The following SLX9 variants were observed in gnomAD, a reference collection of about 807,000 sequenced individuals.
SLX9 encodes the protein ribosome biogenesis protein SLX9 homolog.
SLX9 carries 19 observed loss-of-function variants against 20.8 expected under a neutral mutation model. The observed-to-expected ratio is 0.91, with a 90% CI of 0.64 to 1.34. SLX9 has a LOEUF of 1.34. Among genes scored for constraint, SLX9 ranks in the 40% most tolerant of loss-of-function variants. The probability of loss-of-function intolerance (pLI) is 0.00; values close to 1 mark genes in which losing one functional copy is unlikely to be tolerated. For synonymous variants in SLX9, 113 were observed against 137.1 expected (o/e 0.82, Z 1.23); for missense variants, 299 against 322.2 (o/e 0.93, Z 0.55).
At chr21:44,973,339 T>G (rs2085195212) in intron 5 of SLX9, 74 bp downstream of exon 5, 3 of 1,429,056 alleles carry the variant, frequency 2.1e-6, no homozygotes, top group Non-Finnish European at 2.9e-6. Context: ...CTCCAGGGGT[T>G]CAGCTCCTAT....
At chr21:44,956,238 G>A (rs2084855717) in intron 2 of SLX9, among the ~76,000 whole-genome samples, 1 of 152,146 alleles carries the variant, frequency 6.6e-6, no homozygotes, top group Admixed American at 6.5e-5. Flanking sequence ...TTTTCTCTGC[G>A]GAGGTTTAAA....
chr21:44,952,711 G>A (rs1340135280), intron 2 of SLX9, among the ~76,000 whole-genome samples: 2 of 152,212 alleles, frequency 1.3e-5, no homozygotes, highest in Admixed American at 6.5e-5. Flanking sequence ...GTGGGTGTCC[G>A]TGTCATGTGC....
intron 3 of SLX9, among the ~76,000 whole-genome samples, chr21:44,966,053 T>C (rs2085028203): frequency 6.6e-6 from 1 of 152,008 alleles, no homozygotes; most frequent in Admixed American, 6.5e-5. Context: ...GGAAGGGTGG[T>C]CTTTGTCCCA....
intron 2 of SLX9, among the ~76,000 whole-genome samples, chr21:44,959,057 A>C (rs149807714): frequency 0.012 from 1,827 of 152,312 alleles, 38 homozygotes; most frequent in African/African-American, 0.041. Flanking sequence ...TATGGAGGAA[A>C]GTAGGTCAAC....
At chr21:44,969,296 A>G (rs1484535217) in intron 4 of SLX9, 1 of 443,082 alleles carries the variant, frequency 2.3e-6, no homozygotes, top group Non-Finnish European at 4.8e-6. Flanking sequence ...GTGATGACCG[A>G]ACATTCCTGG....
chr21:44,943,537 G>T, intron 1 of SLX9, 147 bp from the exon 2 acceptor site: 2 of 1,098,664 alleles, frequency 1.8e-6, no homozygotes, highest in Non-Finnish European at 1.3e-6. Flanking sequence ...GGGAGGTGAG[G>T]GTTGTTTCCC....
At chr21:44,966,094 A>G (rs1282630981) in intron 3 of SLX9, among the ~76,000 whole-genome samples, 1 of 152,036 alleles carries the variant, frequency 6.6e-6, no homozygotes, top group Non-Finnish European at 1.5e-5. Context: ...AGCCAGGTAA[A>G]CACACCCTGC....
intron 2 of SLX9, among the ~76,000 whole-genome samples, chr21:44,955,054 A>G (rs2146637528): frequency 6.6e-6 from 1 of 152,144 alleles, no homozygotes; most frequent in African/African-American, 2.4e-5. Context: ...CGTCTCTACT[A>G]AAAATACAAA....
intron 2 of SLX9, among the ~76,000 whole-genome samples, chr21:44,959,008 C>A (rs1296491887): frequency 6.6e-6 from 1 of 152,218 alleles, no homozygotes; most frequent in Non-Finnish European, 1.5e-5. Flanking sequence ...GCAAAATCAG[C>A]CCCTCCCCTT....
intron 5 of SLX9, among the ~76,000 whole-genome samples, chr21:44,975,664 C>G (rs1383173472): frequency 6.6e-6 from 1 of 152,252 alleles, no homozygotes; most frequent in East Asian, 1.9e-4. Context: ...CCTGGTAGCC[C>G]CAGAGATCAC....
chr21:44,941,455 T>C (rs1290937066), intron 1 of SLX9, among the ~76,000 whole-genome samples: 1 of 139,148 alleles, frequency 7.2e-6, no homozygotes, highest in Non-Finnish European at 1.5e-5. Context: ...GCCCCCTTGG[T>C]TTTTTTTTTT....
chr21:44,960,379 G>A (rs2084932091), intron 3 of SLX9, among the ~76,000 whole-genome samples: 2 of 152,254 alleles, frequency 1.3e-5, no homozygotes, highest in African/African-American at 4.8e-5. Context: ...TTGGCAGCAT[G>A]GCCAAGCTGG....
chr21:44,973,939 C>G (rs2085212003), intron 5 of SLX9, among the ~76,000 whole-genome samples: 2 of 152,220 alleles, frequency 1.3e-5, no homozygotes, highest in South Asian at 4.1e-4. Flanking sequence ...GCAGCCCCAT[C>G]TCCGCCCCTC....
At chr21:44,973,830 G>T (rs368037072) in intron 5 of SLX9, among the ~76,000 whole-genome samples, 1 of 152,312 alleles carries the variant, frequency 6.6e-6, no homozygotes, top group East Asian at 1.9e-4. Context: ...CTGCTCCAGG[G>T]GGGCTTTTCA....
chr21:44,976,351 T>C (rs7283005), intron 5 of SLX9, among the ~76,000 whole-genome samples: 39,414 of 152,086 alleles, frequency 0.26, 7,081 homozygotes, highest in African/African-American at 0.51. Context: ...CCGTCTCTCA[T>C]GTAAGGAGTG....
At chr21:44,959,526 G>A (rs568275100) in intron 2 of SLX9, among the ~76,000 whole-genome samples, 58 of 152,196 alleles carry the variant, frequency 3.8e-4, no homozygotes, top group Admixed American at 5.9e-4. Flanking sequence ...GCTGGGCTCC[G>A]CGTGGACCAA....
chr21:44,969,405 G>T (rs1468033146), intron 4 of SLX9: 1 of 356,934 alleles, frequency 2.8e-6, no homozygotes, highest in Non-Finnish European at 5.7e-6. Flanking sequence ...GGAGAGGGCT[G>T]TATCAACACC....
chr21:44,973,897 G>A (rs997670773), intron 5 of SLX9, among the ~76,000 whole-genome samples: 10 of 152,212 alleles, frequency 6.6e-5, no homozygotes, highest in Non-Finnish European at 1.3e-4. Flanking sequence ...AGGCTTCCAA[G>A]GGGAGTCATG....
rs934895802 is a variant in SLX9, at chr21:44,952,114, A to G, written c.284-7986A>G. On this transcript the variant is annotated intron_variant, in intron 2 of 5. Transcript: ENST00000291634. Reference sequence around the variant, plus strand: ...AACACACAGCAGCAGCAGAACACACAGGAGAAGATTCCTCTGGGCTTGGCC... The same window carrying G: ...AACACACAGCAGCAGCAGAACACACGGGAGAAGATTCCTCTGGGCTTGGCC... 2.0e-5 allele frequency among the ~76,000 whole-genome samples: 3 copies of G among 149,764 alleles called. 1 individual carries two copies. The highest frequency in any genetic ancestry group is 5.1e-5 in the African/African-American group (2 of 39,048).
Sources: gnomAD v4.1 joint callset for allele counts (sites outside exome capture counted in the v4.1 genomes callset) on GRCh38, gnomAD v4.1.1 for gene constraint, MANE v1.5 for transcripts, NCBI Gene and HGNC (gene_info 2026-07-23, HGNC 2026-07-21) for gene names.